Variants in HPCAL1 observed in about 807,000 individuals in gnomAD.
HPCAL1 encodes the protein hippocalcin like 1, also known as hippocalcin-like protein 1.
HPCAL1 carries 8 observed loss-of-function variants against 17.1 expected under a neutral mutation model. The observed-to-expected ratio is 0.47, with a 90% CI of 0.27 to 0.84. The LOEUF (loss-of-function observed/expected upper bound fraction) is 0.84, where lower values mean the gene tolerates loss of function less well. Ranked by LOEUF, HPCAL1 falls within the 40% of genes least tolerant of loss-of-function variation. The probability of loss-of-function intolerance (pLI) is 0.13; values close to 1 mark genes in which losing one functional copy is unlikely to be tolerated. For synonymous variants in HPCAL1, 112 were observed against 111.4 expected (o/e 1.01, Z -0.03); for missense variants, 165 against 271.1 (o/e 0.61, Z 2.75).
chr2:10,401,606 C>T (rs1439126334), intron 2 of HPCAL1, among the ~76,000 whole-genome samples: 4 of 152,132 alleles, frequency 2.6e-5, no homozygotes, highest in Non-Finnish European at 2.9e-5. Flanking sequence ...CTAGATCACC[C>T]GGACCTTCTC....
intron 2 of HPCAL1, among the ~76,000 whole-genome samples, chr2:10,402,280 G>A (rs1319004135): frequency 3.3e-5 from 5 of 152,208 alleles, no homozygotes; most frequent in East Asian, 1.9e-4. Context: ...CTCTGAGGGC[G>A]TTTTACACTT....
chr2:10,426,928 G>A lies in HPCAL1; in HGVS notation c.*107G>A, dbSNP rs965247007. The A allele has an allele frequency of 3.4e-5, 36 of 1,067,338 alleles. No homozygotes were observed. Among genetic ancestry groups the A allele is most frequent in the East Asian group, 3.2e-4 (13 of 40,134 alleles). 66.1% of individuals were successfully genotyped at this position (1,067,338 alleles called of 1,614,324 possible). On this transcript the variant is annotated 3_prime_UTR_variant, in exon 5 of 5. Coordinates refer to ENST00000307845, the MANE Select transcript of HPCAL1 (RefSeq NM_002149.4). ...AATCGTTCCTGCTCTCCCGGGCCCC[G>A]GGCCTGGGGCATGCGTTGCACCTGC...
At chr2:10,311,004 GA>G (rs532860647) in intron 1 of HPCAL1, among the ~76,000 whole-genome samples, 108 of 151,906 alleles carry the variant, frequency 7.1e-4, no homozygotes, top group African/African-American at 2.4e-3. Context: ...CACCTATGTT[GA>G]AAAAAAATCA....
intron 1 of HPCAL1, among the ~76,000 whole-genome samples, chr2:10,334,317 G>T (rs1213867746): frequency 1.4e-4 from 19 of 140,218 alleles, no homozygotes; most frequent in African/African-American, 4.3e-4. Flanking sequence ...ACCCTGTTTT[G>T]TTTTGTTTTG....
chr2:10,355,161 G>GT (rs958751961), intron 1 of HPCAL1, among the ~76,000 whole-genome samples: 6 of 152,198 alleles, frequency 3.9e-5, no homozygotes, highest in Non-Finnish European at 2.9e-5. Context: ...GTGCATAAGA[G>GT]TTTAACGGGG....
intron 1 of HPCAL1, among the ~76,000 whole-genome samples, chr2:10,366,595 C>A (rs1666871015): frequency 6.6e-6 from 1 of 152,172 alleles, no homozygotes; most frequent in Admixed American, 6.5e-5. Flanking sequence ...GACAGATGTT[C>A]CAAGAGCACA....
intron 1 of HPCAL1, among the ~76,000 whole-genome samples, chr2:10,329,576 T>C (rs1359820585): frequency 2.0e-5 from 3 of 152,202 alleles, no homozygotes; most frequent in African/African-American, 7.2e-5. Flanking sequence ...ACTGACACAG[T>C]CTCCGTGGGA....
chr2:10,391,622 C>T (rs1472470996), intron 1 of HPCAL1, among the ~76,000 whole-genome samples: 1 of 152,212 alleles, frequency 6.6e-6, no homozygotes, highest in Admixed American at 6.5e-5. Flanking sequence ...CCTCTTTCCC[C>T]ATCCGCTCTT....
intron 1 of HPCAL1, among the ~76,000 whole-genome samples, chr2:10,375,404 G>A (rs1667491916): frequency 6.6e-6 from 1 of 152,192 alleles, no homozygotes; most frequent in African/African-American, 2.4e-5. Flanking sequence ...CTTTCCTGGG[G>A]GCCTCAGCTG....
chr2:10,419,668 C>T lies in HPCAL1; in HGVS notation c.-24-66C>T, dbSNP rs557829555. 1.0e-5 allele frequency: 15 copies of T among 1,485,848 alleles called. No homozygotes were observed. The highest frequency in any genetic ancestry group is 1.4e-5 in the Non-Finnish European group (15 of 1,110,660). 92.0% of individuals were successfully genotyped at this position (1,485,848 alleles called of 1,614,324 possible). A position where few individuals can be genotyped will look rare whatever the true frequency, so the allele number is the denominator to read the frequency against. On this transcript the variant is annotated intron_variant, in intron 2 of 4. Transcript: ENST00000307845. The surrounding 1 kb of genome is among the most constrained non-coding windows in gnomAD (Gnocchi z 5.0). Reference sequence around the variant, plus strand: ...CAGCGATGGGCTTATTTGGTCTCTCCGGCACATGGCTCAGCCCTGCTCCGT... The same window carrying T: ...CAGCGATGGGCTTATTTGGTCTCTCTGGCACATGGCTCAGCCCTGCTCCGT...
At chr2:10,346,355 C>T (rs2125453146) in intron 1 of HPCAL1, among the ~76,000 whole-genome samples, 1 of 152,290 alleles carries the variant, frequency 6.6e-6, no homozygotes, top group East Asian at 1.9e-4. Flanking sequence ...ATGGGACTGA[C>T]CCCATCACAG....
rs73914054 is a variant in HPCAL1, at chr2:10,364,202, G to T, written c.-110-32633G>T. ...AAGGTCCTAGAGAGCACCCAGAGGC[G>T]GGTGTCTGCCTGGGGTCGAGTGTGG... On this transcript the variant is annotated intron_variant, in intron 1 of 4. Transcript: ENST00000307845. 5.1e-3 allele frequency among the ~76,000 whole-genome samples: 775 copies of T among 152,352 alleles called. 11 individuals are homozygous for T. Among genetic ancestry groups the T allele is most frequent in the African/African-American group, 0.017 (726 of 41,588 alleles).
intron 1 of HPCAL1, among the ~76,000 whole-genome samples, chr2:10,352,726 G>T (rs1398280313): frequency 1.3e-5 from 2 of 152,198 alleles, no homozygotes; most frequent in Non-Finnish European, 2.9e-5. Context: ...GCTGGGGAGG[G>T]AGCTGAGGGC....
intron 1 of HPCAL1, among the ~76,000 whole-genome samples, chr2:10,307,059 C>T (rs1232348505): frequency 1.3e-5 from 2 of 152,156 alleles, no homozygotes; most frequent in African/African-American, 4.8e-5. Flanking sequence ...TGAGGTACTA[C>T]CCAAGTTGGC....
chr2:10,414,488 G>C (rs544245509), intron 2 of HPCAL1, among the ~76,000 whole-genome samples: 1 of 152,172 alleles, frequency 6.6e-6, no homozygotes, highest in Non-Finnish European at 1.5e-5. Context: ...TTTCCCCTGT[G>C]TGTCTGTGTC....
chr2:10,360,521 C>T lies in HPCAL1; in HGVS notation c.-110-36314C>T, dbSNP rs968709390. On this transcript the variant is annotated intron_variant, in intron 1 of 4. Transcript: ENST00000307845. ...CTGCCTTACGGGTTCAAGCGATTCTCATGCCTCAGCCTCCCCAGTAGCCAG... is the reference window on the plus strand; with the variant it reads ...CTGCCTTACGGGTTCAAGCGATTCTTATGCCTCAGCCTCCCCAGTAGCCAG... 3.3e-5 allele frequency among the ~76,000 whole-genome samples: 5 copies of T among 152,038 alleles called. No individual in the cohort carries two copies. The East Asian group carries it at 7.7e-4, about 23-fold the overall frequency.
chr2:10,305,172 A>G (rs1375655736), intron 1 of HPCAL1, among the ~76,000 whole-genome samples: 1 of 152,158 alleles, frequency 6.6e-6, no homozygotes, highest in Non-Finnish European at 1.5e-5. Flanking sequence ...TCCTACAAGA[A>G]AAAAGGGCTT....
intron 1 of HPCAL1, among the ~76,000 whole-genome samples, chr2:10,358,559 G>A (rs1413293236): frequency 2.0e-5 from 3 of 152,198 alleles, no homozygotes; most frequent in Non-Finnish European, 4.4e-5. Flanking sequence ...ACACAGAAGC[G>A]GCTGGACATT....
intron 1 of HPCAL1, among the ~76,000 whole-genome samples, chr2:10,325,898 C>G (rs1005537085): frequency 6.6e-6 from 1 of 152,214 alleles, no homozygotes; most frequent in Non-Finnish European, 1.5e-5. Context: ...TGGCCTTTTT[C>G]CACTGTGTTG....
Sources: allele counts gnomAD v4.1 joint callset (sites outside exome capture counted in the v4.1 genomes callset), GRCh38; gene constraint gnomAD v4.1.1; non-coding constraint Gnocchi (gnomAD v3.1); transcripts MANE v1.5; gene names NCBI Gene and HGNC (gene_info 2026-07-23, HGNC 2026-07-21).